SPEG: variants seen among roughly 807,000 people sequenced by gnomAD.
The protein encoded by SPEG is striated muscle preferentially expressed protein kinase.
In SPEG, 114 loss-of-function variants were observed where a neutral mutation model predicts 300.4. That is an observed-to-expected ratio of 0.38 (90% CI 0.33 to 0.44). The LOEUF is 0.44. Among genes scored for constraint, SPEG ranks in the 20% least tolerant of loss-of-function variants. The probability of loss-of-function intolerance (pLI) is 1.00; values close to 1 mark genes in which losing one functional copy is unlikely to be tolerated. For synonymous variants in SPEG, 1,964 were observed against 2,018.9 expected (o/e 0.97, Z 0.73); for missense variants, 4,201 against 4,586.2 (o/e 0.92, Z 2.43).
Position 219,481,484 on chromosome 2 carries a change from C to T in SPEG, c.5522+28C>T. 6.2e-7 allele frequency: 1 copy of T among 1,612,474 alleles called. No homozygotes were observed. The highest frequency in any genetic ancestry group is 2.2e-5 in the East Asian group (1 of 44,860). Reference sequence around the variant, plus strand: ...GAGTACAAGGCCCTGGGAGCCCCCACCTGCAGGGTCACCCTCATACCACCT... The same window carrying T: ...GAGTACAAGGCCCTGGGAGCCCCCATCTGCAGGGTCACCCTCATACCACCT... On this transcript the variant is annotated intron_variant, in intron 27 of 40. Coordinates refer to ENST00000312358, the MANE Select transcript of SPEG (RefSeq NM_005876.5). This position sits in a 1 kb window ranked among gnomAD's most constrained non-coding sequence, Gnocchi z 5.4.
rs201199933 is a variant in SPEG at position 219,458,396 on chromosome 2, CT to C, written c.2441-3473del. Among the ~76,000 whole-genome samples the C allele has an allele frequency of 0.018, 2,547 of 144,924 alleles. 63 individuals carry two copies. Among genetic ancestry groups the C allele is most frequent in the African/African-American group, 0.054 (2,143 of 39,856 alleles). Reference sequence around the variant, plus strand: ...TGAGTATGTGTTAGAAATGCAGTTTCTTTTTTTTTTTTTCCCAATAAGCGTT... The same window carrying C: ...TGAGTATGTGTTAGAAATGCAGTTTCTTTTTTTTTTTTCCCAATAAGCGTT... On this transcript the variant is annotated intron_variant, in intron 6 of 40. Transcript: ENST00000312358. This position sits in a 1 kb window ranked among gnomAD's most constrained non-coding sequence, Gnocchi z 4.2.
intron 6 of SPEG, chr2:219,461,265 G>T: frequency 1.0e-6 from 1 of 985,912 alleles, no homozygotes. Flanking sequence ...TCCCTCGAGC[G>T]TTTGGGGGTG....
chr2:219,449,397 G>A (rs1243178715), intron 4 of SPEG, 126 bp downstream of exon 4: 9 of 729,620 alleles, frequency 1.2e-5, no homozygotes, highest in Middle Eastern at 8.3e-4. Flanking sequence ...CCAGCTGCAA[G>A]GGTGGGTTTG....
chr2:219,460,136 T>C (rs112952437), intron 6 of SPEG, among the ~76,000 whole-genome samples: 3,773 of 152,308 alleles, frequency 0.025, 85 homozygotes, highest in African/African-American at 0.062. Flanking sequence ...ACAGGTGCCC[T>C]GGCGGTTTGG....
In SPEG at chr2:219,474,718, C is replaced by T. The variant is rs150104359; in HGVS notation, c.4447+815C>T. On this transcript the variant is annotated intron_variant, in intron 18 of 40. Transcript: ENST00000312358. Reference sequence around the variant, plus strand: ...TGGGCACATCTTATCACCGAACTGCCAGCCCTGAGAATCCTGGCCGCCCTT... The same window carrying T: ...TGGGCACATCTTATCACCGAACTGCTAGCCCTGAGAATCCTGGCCGCCCTT... Among the ~76,000 whole-genome samples, 599 of 152,188 alleles carry T rather than the reference C, an allele frequency of 3.9e-3. 2 individuals are homozygous for T. The highest frequency in any genetic ancestry group is 0.014 in the African/African-American group (579 of 41,510).
rs553658522 is a variant in SPEG, at chr2:219,455,094, A to AAAAT, written c.2440+3311_2440+3314dup. Among the ~76,000 whole-genome samples, 282 of 152,280 alleles carry AAAAT rather than the reference A, an allele frequency of 1.9e-3. 1 individual carries two copies. The highest frequency in any genetic ancestry group is 4.2e-3 in the African/African-American group (174 of 41,548). On this transcript the variant is annotated intron_variant, in intron 6 of 40. Transcript: ENST00000312358. The stretch of plus-strand genomic sequence containing the variant: ...GGGTGATAAAGTGAGACTCTGTCTC[A>AAAAT]AAATAAATAAATAAATAAATAAATA...
Position 219,451,734 on chromosome 2 carries a change from C to G in SPEG, c.2367C>G (p.Ala789=). ...TCAGGGAGGCCAGGGCAGCAGATGCCGGGAGCTATATGGCCACCGCCACCA... is the reference window on the plus strand; with the variant it reads ...TCAGGGAGGCCAGGGCAGCAGATGCGGGGAGCTATATGGCCACCGCCACCA... ...LLLREARAAD[A]GSYMATATNE... The change falls in exon 6 of 41, where the codon GCC becomes GCG. Residue 789 remains alanine (A), a synonymous_variant. Coordinates refer to ENST00000312358, the MANE Select transcript of SPEG (RefSeq NM_005876.5). This position sits in a 1 kb window ranked among gnomAD's most constrained non-coding sequence, Gnocchi z 6.4. 6.4e-7 allele frequency: 1 copy of G among 1,561,636 alleles called. No individual in the cohort carries two copies. The highest frequency in any genetic ancestry group is 2.4e-5 in the East Asian group (1 of 41,760).
chr2:219,434,943 G>C lies in SPEG; in HGVS notation c.-35G>C. The C allele has an allele frequency of 6.8e-7, 1 of 1,468,510 alleles. No individual in the cohort carries two copies. The allele number at this position is 1,468,510 out of a possible 1,614,324, so 91.0% of individuals were successfully genotyped here. A position where few individuals can be genotyped will look rare whatever the true frequency, so the allele number is the denominator to read the frequency against. On this transcript the variant is annotated 5_prime_UTR_variant, in exon 1 of 41. Coordinates refer to ENST00000312358, the MANE Select transcript of SPEG (RefSeq NM_005876.5). The stretch of plus-strand genomic sequence containing the variant: ...CCGCGGGTGCCCCCGTGGCCGCCCA[G>C]TTCCGGCGTCCCCCCAGCCCAGCTC...
In SPEG at chr2:219,489,706, C is replaced by T. The variant is rs370524337; in HGVS notation, c.8688C>T (p.Ser2896=). 8.7e-6 allele frequency: 14 copies of T among 1,614,012 alleles called. No individual in the cohort carries two copies. The East Asian group carries it at 1.3e-4, about 15-fold the overall frequency. ...CTCAAGGGGTTAAACCAGTGTCTTC[C>T]TCTACTCCTGTGTATGTGGTGACTT... ...STPQGVKPVS[S]STPVYVVTSF... is the part of the protein sequence containing the mutation. Residue 2896 remains serine, a synonymous_variant, in exon 36 of 41, where the codon TCC becomes TCT. Coordinates refer to ENST00000312358, the MANE Select transcript of SPEG (RefSeq NM_005876.5).
At position 219,493,616 on chromosome 2, in the gene SPEG, A is replaced by G; in HGVS notation, c.*830A>G. On this transcript the variant is annotated 3_prime_UTR_variant, in exon 41 of 41. Transcript: ENST00000312358. ...TGTCTGTCTGCCACAAGGAAATAAA[A>G]ATGGCAAGCAGCATAACCTGTGTGT... The G allele has an allele frequency of 2.2e-6, 1 of 461,398 alleles. No homozygotes were observed. The allele number at this position is 461,398 out of a possible 1,614,324, so 28.6% of individuals were successfully genotyped here.
chr2:219,461,711 T>A (rs768674205), intron 6 of SPEG, 171 bp from the exon 7 acceptor site: 32 of 831,356 alleles, frequency 3.8e-5, no homozygotes, highest in Middle Eastern at 3.4e-4. Context: ...TTCCAGGGGC[T>A]CAGGGAGGGG....
intron 9 of SPEG, chr2:219,465,906 T>C: frequency 2.9e-6 from 2 of 681,150 alleles, no homozygotes; most frequent in South Asian, 1.8e-5. Flanking sequence ...TATGGGTGTG[T>C]GCATGCGTGT....
chr2:219,471,775 T>C, intron 13 of SPEG, 93 bp from the exon 14 acceptor site: 1 of 1,515,986 alleles, frequency 6.6e-7, no homozygotes, highest in Non-Finnish European at 9.0e-7. Flanking sequence ...CTGCAGTGGA[T>C]GGGGGTGAGG....
In SPEG at chr2:219,484,983, C is replaced by A. The variant is rs1208676744; in HGVS notation, c.7520C>A (p.Pro2507Gln). The change falls in exon 30 of 41, where the codon CCG becomes CAG. Residue 2507 changes from proline (P) to glutamine (Q), a missense_variant. By Grantham distance (76) the Pro-to-Gln change is moderately conservative (BLOSUM62 -1). This residue lies in a region of SPEG where 1,578 missense variants were observed against 1,506.0 expected (regional missense o/e 1.05). Coordinates refer to ENST00000312358, the MANE Select transcript of SPEG (RefSeq NM_005876.5). ...EGESLRRLGL[P>Q]HNQLAAQAGA... ...GAGAGTCTGCGGCGCCTTGGCCTTCCGCACAACCAGTTGGCCGCCCAGGCC... is the reference window on the plus strand; with the variant it reads ...GAGAGTCTGCGGCGCCTTGGCCTTCAGCACAACCAGTTGGCCGCCCAGGCC... The A allele has an allele frequency of 3.9e-6, 6 of 1,530,830 alleles. No individual in the cohort carries two copies. Among genetic ancestry groups the A allele is most frequent in the Non-Finnish European group, 5.2e-6 (6 of 1,145,000 alleles). The allele number at this position is 1,530,830 out of a possible 1,614,324, so 94.8% of individuals were successfully genotyped here.
chr2:219,466,332 C>A, intron 9 of SPEG: 1 of 1,403,462 alleles, frequency 7.1e-7, no homozygotes, highest in Admixed American at 3.4e-5. Flanking sequence ...GGGGCGGCTG[C>A]GAGGGGTATC....
chr2:219,464,717 T>C lies in SPEG; in HGVS notation c.2881+109T>C. 8.5e-7 allele frequency: 1 copy of C among 1,171,834 alleles called. No homozygotes were observed. The highest frequency in any genetic ancestry group is 1.2e-6 in the Non-Finnish European group (1 of 824,822). 72.6% of individuals were successfully genotyped at this position (1,171,834 alleles called of 1,614,324 possible). A position where few individuals can be genotyped will look rare whatever the true frequency, so the allele number is the denominator to read the frequency against. On this transcript the variant is annotated intron_variant, in intron 9 of 40. Coordinates refer to ENST00000312358, the MANE Select transcript of SPEG (RefSeq NM_005876.5). This position sits in a 1 kb window ranked among gnomAD's most constrained non-coding sequence, Gnocchi z 4.5. ...AGAGGATGCCACCACTGAAAGGGCC[T>C]TAAGGGGCCCCTAGTCCAGCTGCTT...
chr2:219,465,493 C>G, intron 9 of SPEG: 1 of 158,342 alleles, frequency 6.3e-6, no homozygotes, highest in Non-Finnish European at 1.4e-5. Context: ...CAGCCCTCCT[C>G]CCCGGCCTGC....
At chr2:219,467,494 T>TG in intron 10 of SPEG, 60 bp downstream of exon 10, 25 of 1,547,008 alleles carry the variant, frequency 1.6e-5, no homozygotes, top group Non-Finnish European at 2.2e-5. Flanking sequence ...GGGAGGGGAC[T>TG]GGGGGTGTAC....
In SPEG at chr2:219,444,025, C is replaced by T. The variant is rs746517932; in HGVS notation, c.389-628C>T. On this transcript the variant is annotated intron_variant, in intron 1 of 40. Coordinates refer to ENST00000312358, the MANE Select transcript of SPEG (RefSeq NM_005876.5). This position sits in a 1 kb window ranked among gnomAD's most constrained non-coding sequence, Gnocchi z 7.8. ...CTCTCTCCTGCTGCTCCTATGGAAG[C>T]GAAGTTTTCCGCTCCTGCAGAAAGC... 40 of 1,365,604 alleles carry T rather than the reference C, an allele frequency of 2.9e-5. No individual in the cohort carries two copies. The highest frequency in any genetic ancestry group is 3.6e-5 in the Non-Finnish European group (37 of 1,021,556). The allele number at this position is 1,365,604 out of a possible 1,614,324, so 84.6% of individuals were successfully genotyped here.
Sources: allele counts gnomAD v4.1 joint callset (sites outside exome capture counted in the v4.1 genomes callset), GRCh38; gene constraint gnomAD v4.1.1; regional missense constraint gnomAD v4.1.1; non-coding constraint Gnocchi (gnomAD v3.1); transcripts MANE v1.5; gene names NCBI Gene and HGNC (gene_info 2026-07-23, HGNC 2026-07-21).